The following CDC42BPA variants were observed in gnomAD, a reference collection of about 807,000 sequenced individuals.
The protein encoded by CDC42BPA is CDC42 binding protein kinase alpha, also known as serine/threonine-protein kinase MRCK alpha.
In CDC42BPA, 80 loss-of-function variants were observed where a neutral mutation model predicts 223.5. That is an observed-to-expected ratio of 0.36 (90% CI 0.30 to 0.43). The LOEUF (loss-of-function observed/expected upper bound fraction) is 0.43, where lower values mean the gene tolerates loss of function less well. Ranked by LOEUF, CDC42BPA falls within the 20% of genes least tolerant of loss-of-function variation. The pLI is 1.00. For missense variants in CDC42BPA, 1,743 were observed against 2,099.9 expected, an observed-to-expected ratio of 0.83 and a Z score of 3.32; for synonymous variants, 694 against 718.6, an observed-to-expected ratio of 0.97 and a Z score of 0.55.
chr1:227,169,382 A>G (rs1665709242), intron 5 of CDC42BPA, among the ~76,000 whole-genome samples: 1 of 151,940 alleles, frequency 6.6e-6, no homozygotes, highest in South Asian at 2.1e-4. Flanking sequence ...GGATTCTTTA[A>G]TTTTTCTCCA....
chr1:227,040,748 G>C (rs944216056), intron 23 of CDC42BPA, among the ~76,000 whole-genome samples: 1 of 152,140 alleles, frequency 6.6e-6, no homozygotes, highest in Non-Finnish European at 1.5e-5. Context: ...CCTATGGAAA[G>C]AGGCAGTATA....
chr1:227,010,887 C>T (rs1203359538), intron 34 of CDC42BPA: 1 of 1,362,502 alleles, frequency 7.3e-7, no homozygotes, highest in Admixed American at 1.9e-5. Flanking sequence ...CCCTCAGAGT[C>T]ATAAAGCTTG....
At chr1:227,139,304 T>A (rs892755133) in intron 10 of CDC42BPA, among the ~76,000 whole-genome samples, 11 of 151,880 alleles carry the variant, frequency 7.2e-5, no homozygotes, top group Non-Finnish European at 1.5e-4. Context: ...GTGAGGAGGG[T>A]CCCATTTCCC....
At chr1:227,309,749 T>G (rs16847618) in intron 1 of CDC42BPA, among the ~76,000 whole-genome samples, 46,786 of 152,088 alleles carry the variant, frequency 0.31, 7,376 homozygotes, top group East Asian at 0.37. Context: ...TAAAGAAAAG[T>G]AAGCTTAATT....
In CDC42BPA at chr1:227,262,297, G is replaced by T. The variant is rs554964816; in HGVS notation, c.179-8142C>A. On this transcript the variant is annotated intron_variant, in intron 1 of 36. Transcript: ENST00000366766. ...CTGAAATGTAATGATATATTAACAT[G>T]TGCATATAGGACAAAATAATGAATT... is the stretch of plus-strand genomic sequence containing the variant. Among the ~76,000 whole-genome samples, 9 of 152,084 alleles carry T rather than the reference G, an allele frequency of 5.9e-5. No homozygotes were observed. The South Asian group carries it at 1.9e-3, about 32-fold the overall frequency.
intron 32 of CDC42BPA, among the ~76,000 whole-genome samples, chr1:227,018,051 A>ATTATTATTATTC (rs1279090877): frequency 6.7e-6 from 1 of 148,924 alleles, no homozygotes; most frequent in Admixed American, 6.7e-5. Context: ...TATTATTATT[A>ATTATTATTATTC]TTATTATTTA....
At chr1:227,223,060 G>A (rs1273382447) in intron 2 of CDC42BPA, among the ~76,000 whole-genome samples, 1 of 152,216 alleles carries the variant, frequency 6.6e-6, no homozygotes, top group African/African-American at 2.4e-5. Context: ...AAGTAAAGAA[G>A]AGAGATCCTT....
intron 11 of CDC42BPA, among the ~76,000 whole-genome samples, chr1:227,126,312 C>T (rs1444913312): frequency 6.6e-6 from 1 of 152,132 alleles, no homozygotes; most frequent in Non-Finnish European, 1.5e-5. Context: ...GTCATTGACA[C>T]TGTACCAGCA....
chr1:226,994,447 G>A lies in CDC42BPA; in HGVS notation c.5134-48C>T. 2 of 1,457,358 alleles carry A rather than the reference G, an allele frequency of 1.4e-6. No homozygotes were observed. The allele number at this position is 1,457,358 out of a possible 1,614,324, so 90.3% of individuals were successfully genotyped here. A position where few individuals can be genotyped will look rare whatever the true frequency, so the allele number is the denominator to read the frequency against. ...TTAATGAGAAGGAGGGGGAGAAAGG[G>A]AGGCAGAAGGGGCTCAGATTACCAC... On this transcript the variant is annotated intron_variant, in intron 36 of 36. Coordinates refer to ENST00000366766, the MANE Select transcript of CDC42BPA (RefSeq NM_001394014.1). This position sits in a 1 kb window ranked among gnomAD's most constrained non-coding sequence, Gnocchi z 4.0.
chr1:227,014,706 A>AGC (rs1665871877), intron 34 of CDC42BPA, among the ~76,000 whole-genome samples: 1 of 152,160 alleles, frequency 6.6e-6, no homozygotes. Context: ...TTCCTTAGAG[A>AGC]GCAATTTGGG....
chr1:227,031,335 T>C lies in CDC42BPA; in HGVS notation c.3738A>G (p.Leu1246=). The part of the protein sequence containing the change: ...YVPKEAYDST[L]PLIKTTQAAA... ...CTGCCTGGGTTGTTTTAATGAGGGG[T>C]AGAGTGCTGTCATAAGCCTCTTTGG... The change falls in exon 28 of 37, where the codon CTA becomes CTG. Residue 1246 remains leucine, a synonymous_variant. Transcript: ENST00000366766. The C allele has an allele frequency of 6.2e-7, 1 of 1,614,022 alleles. No individual in the cohort carries two copies. The highest frequency in any genetic ancestry group is 8.5e-7 in the Non-Finnish European group (1 of 1,179,936).
At chr1:227,106,317 T>C (rs1685915509) in intron 14 of CDC42BPA, among the ~76,000 whole-genome samples, 1 of 152,204 alleles carries the variant, frequency 6.6e-6, no homozygotes, top group African/African-American at 2.4e-5. Flanking sequence ...GCTGTAGTTC[T>C]TCATATAATC....
At chr1:227,144,151 C>T (rs1378348604) in intron 8 of CDC42BPA, among the ~76,000 whole-genome samples, 1 of 151,802 alleles carries the variant, frequency 6.6e-6, no homozygotes, top group African/African-American at 2.4e-5. Flanking sequence ...TAACGTGTAC[C>T]GATTATGTAC....
chr1:227,191,888 G>A (rs1164428325), intron 5 of CDC42BPA, among the ~76,000 whole-genome samples: 2 of 151,850 alleles, frequency 1.3e-5, no homozygotes. Context: ...GGAGGCTGAG[G>A]TGGCAGGATC....
rs189954224 is a variant in CDC42BPA, at chr1:227,243,227, G to A, written c.270+10837C>T. Among the ~76,000 whole-genome samples the A allele has an allele frequency of 4.6e-3, 702 of 151,596 alleles. 9 individuals are homozygous for A. Among genetic ancestry groups the A allele is most frequent in the Non-Finnish European group, 7.5e-3 (509 of 67,996 alleles). ...CAGGAAAAAATAACTGATGGGTACT[G>A]AGCTTAATAGGGCGATGAAATAATC... On this transcript the variant is annotated intron_variant, in intron 2 of 36. Transcript: ENST00000366766.
chr1:227,037,349 A>C (rs1216323453), intron 24 of CDC42BPA, among the ~76,000 whole-genome samples: 4 of 152,202 alleles, frequency 2.6e-5, no homozygotes, highest in African/African-American at 4.8e-5. Context: ...CTCAATCTAC[A>C]TGTACTTCCT....
intron 21 of CDC42BPA, among the ~76,000 whole-genome samples, chr1:227,061,997 T>C (rs947817579): frequency 6.6e-6 from 1 of 152,208 alleles, no homozygotes; most frequent in African/African-American, 2.4e-5. Flanking sequence ...ACTTAACTTG[T>C]CCAAAATGAA....
At chr1:227,255,834 T>G (rs1485292397) in intron 1 of CDC42BPA, among the ~76,000 whole-genome samples, 1 of 152,102 alleles carries the variant, frequency 6.6e-6, no homozygotes, top group Non-Finnish European at 1.5e-5. Context: ...CATCCAGTAT[T>G]CTAGATTGGA....
intron 34 of CDC42BPA, among the ~76,000 whole-genome samples, chr1:227,013,430 A>G (rs1572242642): frequency 1.3e-5 from 2 of 152,092 alleles, no homozygotes; most frequent in East Asian, 3.9e-4. Flanking sequence ...GGAAGAGGGA[A>G]GAAAATGTAG....
Sources: allele counts gnomAD v4.1 joint callset (sites outside exome capture counted in the v4.1 genomes callset), GRCh38; gene constraint gnomAD v4.1.1; non-coding constraint Gnocchi (gnomAD v3.1); transcripts MANE v1.5; gene names NCBI Gene and HGNC (gene_info 2026-07-23, HGNC 2026-07-21).